RMND1: variants seen among roughly 807,000 people sequenced by gnomAD.
RMND1 encodes the protein required for meiotic nuclear division protein 1 homolog.
A neutral mutation model predicts 54.0 loss-of-function variants in RMND1; 41 were observed. That is an observed-to-expected ratio of 0.76 (90% CI 0.59 to 0.98). RMND1 has a LOEUF of 0.98. Among genes scored for constraint, RMND1 ranks in the 50% least tolerant of loss-of-function variants. The pLI, the probability that RMND1 is intolerant of heterozygous loss-of-function variation, is 0.00. For missense variants in RMND1, 457 were observed against 532.0 expected (o/e 0.86, Z 1.39); for synonymous variants, 183 against 181.7 (o/e 1.01, Z -0.06).
Position 151,406,519 on chromosome 6 carries a change from G to A in RMND1, c.1201-683C>T, listed in dbSNP as rs536562772. On this transcript the variant is annotated intron_variant, in intron 10 of 11. Transcript: ENST00000444024. ...TGGGACTACAGGTGCCCGCCACCAC[G>A]CCCGGCTAATTTTTGTATTTTTAGT... Among the ~76,000 whole-genome samples, 14 of 152,128 alleles carry A rather than the reference G, an allele frequency of 9.2e-5. No homozygotes were observed. The South Asian group carries it at 1.0e-3, about 11-fold the overall frequency.
intron 9 of RMND1, among the ~76,000 whole-genome samples, chr6:151,420,276 G>A (rs1180669365): frequency 6.6e-6 from 1 of 152,166 alleles, no homozygotes; most frequent in Non-Finnish European, 1.5e-5. Context: ...TGATGGATGG[G>A]TTTTTAAGTT....
At chr6:151,450,545 C>A (rs1447916574) in intron 1 of RMND1, among the ~76,000 whole-genome samples, 2 of 147,472 alleles carry the variant, frequency 1.4e-5, no homozygotes, top group Non-Finnish European at 3.0e-5. Flanking sequence ...GTCAGCCCCC[C>A]GCCCGGCCAG....
intron 1 of RMND1, among the ~76,000 whole-genome samples, chr6:151,450,665 G>T (rs1282989785): frequency 7.3e-5 from 11 of 151,506 alleles, no homozygotes; most frequent in East Asian, 1.9e-4. Flanking sequence ...GATGTGAGGA[G>T]CCCCTCTGCC....
rs1228331777 is a variant in RMND1, at chr6:151,451,204, A to T, written c.-15+812T>A. 9.2e-5 allele frequency among the ~76,000 whole-genome samples: 14 copies of T among 151,400 alleles called. No homozygotes were observed. The East Asian group carries it at 2.1e-3, about 23-fold the overall frequency. ...AACACCCAAGAATGATCAATAAAAA[A>T]AAAAAAAAAAAAAAACACAACCAGC... On this transcript the variant is annotated intron_variant, in intron 1 of 11. Transcript: ENST00000444024.
At chr6:151,441,268 T>A (rs1780770218) in intron 2 of RMND1, among the ~76,000 whole-genome samples, 2 of 152,236 alleles carry the variant, frequency 1.3e-5, no homozygotes, top group African/African-American at 4.8e-5. Context: ...ATGTTGCTTC[T>A]ATAGTGATAT....
chr6:151,420,965 C>G (rs999350272), intron 9 of RMND1: 3 of 227,158 alleles, frequency 1.3e-5, no homozygotes, highest in African/African-American at 6.8e-5. Flanking sequence ...AGGAATATGT[C>G]TTTCTACCTT....
intron 4 of RMND1, among the ~76,000 whole-genome samples, chr6:151,431,709 A>C (rs1313482593): frequency 6.6e-6 from 1 of 152,164 alleles, no homozygotes. Context: ...AAATTCAAAG[A>C]CTTAGTATGA....
chr6:151,418,480 A>G (rs1562787486), intron 9 of RMND1: 1 of 152,112 alleles, frequency 6.6e-6, no homozygotes, highest in Non-Finnish European at 1.5e-5. Context: ...TTTTAGAGAT[A>G]ATGTCTTCAT....
chr6:151,422,131 G>A (rs775125123), intron 8 of RMND1, among the ~76,000 whole-genome samples: 15 of 151,998 alleles, frequency 9.9e-5, no homozygotes, highest in South Asian at 2.1e-4. Flanking sequence ...CTAAACAATC[G>A]GCCCTCTATA....
At chr6:151,442,225 TTC>T (rs1246925938) in intron 2 of RMND1, among the ~76,000 whole-genome samples, 1 of 152,246 alleles carries the variant, frequency 6.6e-6, no homozygotes, top group African/African-American at 2.4e-5. Context: ...CTGTAAGTTT[TTC>T]TGACTACAAC....
At chr6:151,427,621 C>A (rs1257838508) in intron 5 of RMND1, 39 bp from the exon 6 acceptor site, 1 of 1,258,210 alleles carries the variant, frequency 7.9e-7, no homozygotes, top group African/African-American at 1.5e-5. Context: ...TCATAACTGA[C>A]TCCCTCAGTT....
Position 151,436,115 on chromosome 6 carries a change from A to AC in RMND1, c.613+330_613+331insG, listed in dbSNP as rs199717119. 1,511 of 198,222 alleles carry AC rather than the reference A, an allele frequency of 7.6e-3. 15 individuals carry two copies. Among genetic ancestry groups the AC allele is most frequent in the African/African-American group, 0.022 (948 of 42,390 alleles). The allele number at this position is 198,222 out of a possible 1,614,324, so 12.3% of individuals were successfully genotyped here. ...AGTGAAACTCCATCCCAAAAAACAA[A>AC]AAAAAAAAAAACACAAAACACACAC... On this transcript the variant is annotated intron_variant, in intron 3 of 11. Transcript: ENST00000444024.
chr6:151,452,121 TCTC>T lies in RMND1; in HGVS notation c.-123_-121del. The T allele has an allele frequency of 5.0e-6, 1 of 198,922 alleles. No individual in the cohort carries two copies. The highest frequency in any genetic ancestry group is 1.7e-4 in the East Asian group (1 of 5,964). 12.3% of individuals were successfully genotyped at this position (198,922 alleles called of 1,614,324 possible). On this transcript the variant is annotated 5_prime_UTR_variant, in exon 1 of 12. Transcript: ENST00000444024. ...GCCTCTCACTACTGCAGCCAACCCATCTCCTGGAAGGGCGCTCCCGCCCACCCC... is the reference window on the plus strand; with the variant it reads ...GCCTCTCACTACTGCAGCCAACCCATCTGGAAGGGCGCTCCCGCCCACCCC...
At chr6:151,423,658 T>C in intron 6 of RMND1, 27 bp from the exon 7 acceptor site, 1 of 1,440,386 alleles carries the variant, frequency 6.9e-7, no homozygotes, top group Non-Finnish European at 9.8e-7. Context: ...GATAATACCT[T>C]CTAAATCTTA....
At chr6:151,427,173 C>T (rs1780323447) in intron 6 of RMND1, among the ~76,000 whole-genome samples, 1 of 151,854 alleles carries the variant, frequency 6.6e-6, no homozygotes, top group African/African-American at 2.4e-5. Flanking sequence ...GGTCGAGATC[C>T]AGACCATCCT....
chr6:151,436,417 T>A, intron 3 of RMND1, 29 bp downstream of exon 3: 1 of 1,612,952 alleles, frequency 6.2e-7, no homozygotes, highest in Non-Finnish European at 8.5e-7. Context: ...CATTTTAACA[T>A]ACTTGGCCCC....
chr6:151,450,013 C>T (rs368524598), intron 1 of RMND1, among the ~76,000 whole-genome samples: 123 of 152,334 alleles, frequency 8.1e-4, no homozygotes, highest in African/African-American at 2.8e-3. Context: ...CTCCACCTCC[C>T]AGCCGCCTGC....
chr6:151,449,164 C>T (rs116879204), intron 1 of RMND1, among the ~76,000 whole-genome samples: 14,468 of 149,428 alleles, frequency 0.097, 773 homozygotes, highest in Middle Eastern at 0.19. Context: ...GTCAGATGTT[C>T]GAGGCCAGCC....
At chr6:151,450,657 T>A (rs1336455224) in intron 1 of RMND1, among the ~76,000 whole-genome samples, 87 of 140,372 alleles carry the variant, frequency 6.2e-4, no homozygotes, top group Middle Eastern at 3.8e-3. Flanking sequence ...CCTACTGGGA[T>A]GTGAGGAGCC....
Sources: allele counts gnomAD v4.1 joint callset (sites outside exome capture counted in the v4.1 genomes callset), GRCh38; gene constraint gnomAD v4.1.1; transcripts MANE v1.5; gene names NCBI Gene and HGNC (gene_info 2026-07-23, HGNC 2026-07-21).